Variants in ZMIZ1 observed in about 807,000 individuals in gnomAD.
ZMIZ1 encodes the protein zinc finger MIZ-type containing 1, also known as zinc finger MIZ domain-containing protein 1.
Under a neutral mutation model 113.9 loss-of-function variants are expected in ZMIZ1, and 17 were observed. The ratio of observed to expected loss-of-function variants is 0.15; its 90% CI spans 0.10 to 0.22. The LOEUF (loss-of-function observed/expected upper bound fraction) is 0.22. ZMIZ1 is among the 10% of genes least tolerant of loss of function. The pLI, the probability that ZMIZ1 is intolerant of heterozygous loss-of-function variation, is 1.00. For missense variants in ZMIZ1, 1,059 were observed against 1,477.8 expected (o/e 0.72, Z 4.65); for synonymous variants, 607 against 603.1 (o/e 1.01, Z -0.09).
intron 4 of ZMIZ1, among the ~76,000 whole-genome samples, chr10:79,176,275 C>T (rs1162745878): frequency 6.6e-6 from 1 of 152,134 alleles, no homozygotes; most frequent in Non-Finnish European, 1.5e-5. Flanking sequence ...CTCCAGCCAC[C>T]ACCACTTAGT....
chr10:79,142,360 G>A (rs767387868), intron 3 of ZMIZ1, among the ~76,000 whole-genome samples: 11 of 152,138 alleles, frequency 7.2e-5, no homozygotes, highest in East Asian at 1.9e-4. Context: ...AGTGTGTGGC[G>A]CTTGAGAGGG....
At chr10:79,165,805 G>T (rs1433751008) in intron 4 of ZMIZ1, among the ~76,000 whole-genome samples, 1 of 152,188 alleles carries the variant, frequency 6.6e-6, no homozygotes, top group African/African-American at 2.4e-5. Flanking sequence ...TGAGCCTCTG[G>T]CCTGAAGTCT....
intron 2 of ZMIZ1, among the ~76,000 whole-genome samples, chr10:79,123,505 G>GT (rs1844387150): frequency 6.6e-6 from 1 of 152,210 alleles, no homozygotes; most frequent in Non-Finnish European, 1.5e-5. Flanking sequence ...GCGGGAGTGA[G>GT]TAGGGGGTGG....
intron 3 of ZMIZ1, among the ~76,000 whole-genome samples, chr10:79,150,177 G>T (rs12773448): frequency 0.17 from 25,980 of 152,194 alleles, 2,576 homozygotes; most frequent in East Asian, 0.31. Flanking sequence ...CCGGGCCGCA[G>T]CCGTGCAGGT....
At chr10:79,205,779 A>G (rs1379053948) in intron 5 of ZMIZ1, among the ~76,000 whole-genome samples, 4 of 152,130 alleles carry the variant, frequency 2.6e-5, no homozygotes, top group Non-Finnish European at 5.9e-5. Context: ...ATAGGTGACA[A>G]GGGCACAGAG....
chr10:79,133,761 A>C (rs1844874407), intron 2 of ZMIZ1, among the ~76,000 whole-genome samples: 1 of 151,968 alleles, frequency 6.6e-6, no homozygotes, highest in African/African-American at 2.4e-5. Context: ...CAGTGCCCAG[A>C]CCTCACCCCT....
At chr10:79,310,108 C>T (rs1205298314) in intron 23 of ZMIZ1, among the ~76,000 whole-genome samples, 1 of 152,184 alleles carries the variant, frequency 6.6e-6, no homozygotes, top group East Asian at 1.9e-4. Context: ...GAGGCACCGC[C>T]AGCCTCACCC....
chr10:79,174,735 G>A (rs1470021982), intron 4 of ZMIZ1, among the ~76,000 whole-genome samples: 1 of 152,226 alleles, frequency 6.6e-6, no homozygotes, highest in Non-Finnish European at 1.5e-5. Flanking sequence ...TGGGGGAGGA[G>A]TGCACAGAAA....
At chr10:79,133,894 A>C (rs1292129874) in intron 2 of ZMIZ1, among the ~76,000 whole-genome samples, 1 of 152,258 alleles carries the variant, frequency 6.6e-6, no homozygotes, top group Non-Finnish European at 1.5e-5. Context: ...CGAATCCATC[A>C]GCTGCCTAAT....
intron 1 of ZMIZ1, among the ~76,000 whole-genome samples, chr10:79,086,898 T>C (rs1250004): frequency 0.26 from 39,129 of 152,206 alleles, 6,162 homozygotes; most frequent in African/African-American, 0.44. Context: ...TTACCTGGTC[T>C]GTGCAACTAT....
At chr10:79,127,587 G>T (rs559321647) in intron 2 of ZMIZ1, among the ~76,000 whole-genome samples, 2 of 152,138 alleles carry the variant, frequency 1.3e-5, no homozygotes, top group South Asian at 4.2e-4. Context: ...GAGGTGGGTG[G>T]CGTTTTCCAG....
At chr10:79,243,634 G>C in intron 7 of ZMIZ1, 2 of 234,170 alleles carry the variant, frequency 8.5e-6, no homozygotes, top group Non-Finnish European at 1.8e-5. Flanking sequence ...GCCTTTGTTC[G>C]GCGCTGGCTG....
At chr10:79,271,148 C>T (rs1256197514) in intron 7 of ZMIZ1, among the ~76,000 whole-genome samples, 1 of 152,194 alleles carries the variant, frequency 6.6e-6, no homozygotes, top group Non-Finnish European at 1.5e-5. Flanking sequence ...CAGGCCTGCT[C>T]ATCTACTCAG....
At chr10:79,297,762 G>T (rs957068852) in intron 14 of ZMIZ1, 72 bp downstream of exon 14, 35 of 1,376,344 alleles carry the variant, frequency 2.5e-5, no homozygotes, top group Non-Finnish European at 3.5e-5. Flanking sequence ...CACTGTTCCT[G>T]CTCCAGCCTC....
At chr10:79,260,870 TA>T (rs1445521973) in intron 7 of ZMIZ1, among the ~76,000 whole-genome samples, 4 of 152,212 alleles carry the variant, frequency 2.6e-5, no homozygotes, top group African/African-American at 7.2e-5. Flanking sequence ...CAGGTTTTCT[TA>T]ACCTCTCTGA....
rs759993930 is a variant in ZMIZ1 at position 79,305,200 on chromosome 10, G to A, written c.2323G>A (p.Glu775Lys). 1.2e-6 allele frequency: 2 copies of A among 1,614,142 alleles called. No individual in the cohort carries two copies. The highest frequency in any genetic ancestry group is 8.5e-7 in the Non-Finnish European group (1 of 1,180,010). ...GGAGTCATACCTGCAGCTGAATTGCGAGAGAGGGACCTGGAGGTGTCCTGT... is the reference window on the plus strand; with the variant it reads ...GGAGTCATACCTGCAGCTGAATTGCAAGAGAGGGACCTGGAGGTGTCCTGT... ...DLESYLQLNCERGTWRCPVCN... is the reference protein window; with the variant it reads ...DLESYLQLNCKRGTWRCPVCN... The change falls in exon 20 of 25, where the codon GAG (glutamate) becomes AAG (lysine). Residue 775 changes from glutamate (E) to lysine (K), a missense_variant. By Grantham distance (56) the Glu-to-Lys change is moderately conservative. This residue lies in a region of ZMIZ1 where 217 missense variants were observed against 426.9 expected (regional missense o/e 0.51). Coordinates refer to ENST00000334512, the MANE Select transcript of ZMIZ1 (RefSeq NM_020338.4).
At chr10:79,286,518 G>T (rs374458977) in intron 8 of ZMIZ1, among the ~76,000 whole-genome samples, 1 of 152,382 alleles carries the variant, frequency 6.6e-6, no homozygotes, top group East Asian at 1.9e-4. Context: ...TGCCCCACAC[G>T]CTGTGCCTGT....
intron 3 of ZMIZ1, among the ~76,000 whole-genome samples, chr10:79,161,648 G>T (rs1382359192): frequency 6.6e-6 from 1 of 152,198 alleles, no homozygotes; most frequent in East Asian, 1.9e-4. Context: ...TTTTACTTTT[G>T]TATCATTTGA....
At chr10:79,197,085 C>CA (rs1847863280) in intron 4 of ZMIZ1, among the ~76,000 whole-genome samples, 2 of 152,348 alleles carry the variant, frequency 1.3e-5, no homozygotes. Context: ...TCCTGGTGGG[C>CA]AGTGGCCTGC....
Sources: gnomAD v4.1 joint callset for allele counts (sites outside exome capture counted in the v4.1 genomes callset) on GRCh38, gnomAD v4.1.1 for gene constraint, gnomAD v4.1.1 regional missense constraint, MANE v1.5 for transcripts, NCBI Gene and HGNC (gene_info 2026-07-23, HGNC 2026-07-21) for gene names.